Variants in NHSL2 observed in about 807,000 individuals in gnomAD.
NHSL2 encodes NHS like 2, also known as NHS-like protein 2.
Under a neutral mutation model 53.4 loss-of-function variants are expected in NHSL2, and 27 were observed. The ratio of observed to expected loss-of-function variants is 0.51; its 90% CI spans 0.37 to 0.70. NHSL2 has a LOEUF of 0.70. Ranked by LOEUF, NHSL2 falls within the 30% of genes least tolerant of loss-of-function variation. NHSL2 has a pLI of 0.00. For missense variants in NHSL2, 892 were observed against 980.1 expected (o/e 0.91, Z 1.20); for synonymous variants, 408 against 404.1 (o/e 1.01, Z -0.12).
At position 72,069,658 on chromosome X, in the gene NHSL2, C is replaced by T. The variant is rs1009042792; in HGVS notation, c.281-62421C>T. 1.1e-4 allele frequency: 107 copies of T among 934,837 alleles called. No homozygotes were observed. In the Admixed American group the frequency reaches 2.9e-3, roughly 26 times the overall value. The allele number at this position is 934,837 out of a possible 1,213,427, so 77.0% of individuals were successfully genotyped here. On this transcript the variant is annotated intron_variant, in intron 1 of 7. Coordinates refer to ENST00000633930, the MANE Select transcript of NHSL2 (RefSeq NM_001013627.3). ...AGGAGGAGGAGGAGGTGGCAGCGGCCGCCGCGGTGGCTGCCAGTCCAGAGC... is the reference window on the plus strand; with the variant it reads ...AGGAGGAGGAGGAGGTGGCAGCGGCTGCCGCGGTGGCTGCCAGTCCAGAGC...
At chrX:71,929,247 G>A (rs757147663) in intron 1 of NHSL2, among the ~76,000 whole-genome samples, 1 of 112,499 alleles carries the variant, frequency 8.9e-6, no homozygotes, top group African/African-American at 3.2e-5. Context: ...TTTTTAAATT[G>A]TGATATATAG....
intron 1 of NHSL2, among the ~76,000 whole-genome samples, chrX:72,066,024 T>G (rs2042427336): frequency 9.1e-6 from 1 of 110,232 alleles, no homozygotes; most frequent in Admixed American, 9.6e-5. Context: ...AGCAATGGAG[T>G]GATGTGGTTT....
At chrX:72,105,223 C>T (rs2042028145) in intron 1 of NHSL2, among the ~76,000 whole-genome samples, 3 of 109,893 alleles carry the variant, frequency 2.7e-5, no homozygotes, top group African/African-American at 6.7e-5. Flanking sequence ...GAGACTCAAC[C>T]GTGAGCCATG....
At chrX:72,130,126 G>A (rs770843646) in intron 1 of NHSL2, 17 of 1,208,308 alleles carry the variant, frequency 1.4e-5, no homozygotes, top group Non-Finnish European at 1.8e-5. Flanking sequence ...AACAAAGGTC[G>A]GCTCCATCTC....
chrX:71,999,340 A>G (rs1048517899), intron 1 of NHSL2, among the ~76,000 whole-genome samples: 6 of 112,567 alleles, frequency 5.3e-5, no homozygotes, highest in Non-Finnish European at 9.4e-5. Flanking sequence ...TGTGAAATTA[A>G]TGGGGAAAAA....
At position 72,090,650 on chromosome X, in the gene NHSL2, A is replaced by T. The variant is rs993557123; in HGVS notation, c.281-41429A>T. ...AAAAGACTATTTCATGAAAAAAGTCATTCTCCTGCCTACCCCTAACCCCCC... is the reference window on the plus strand; with the variant it reads ...AAAAGACTATTTCATGAAAAAAGTCTTTCTCCTGCCTACCCCTAACCCCCC... On this transcript the variant is annotated intron_variant, in intron 1 of 7. Coordinates refer to ENST00000633930, the MANE Select transcript of NHSL2 (RefSeq NM_001013627.3). Among the ~76,000 whole-genome samples, 8 of 111,247 alleles carry T rather than the reference A, an allele frequency of 7.2e-5. 1 individual carries two copies. The highest frequency in any genetic ancestry group is 1.1e-4 in the Non-Finnish European group (6 of 53,068).
chrX:71,968,102 T>A (rs1452467732), intron 1 of NHSL2, among the ~76,000 whole-genome samples: 1 of 109,273 alleles, frequency 9.2e-6, no homozygotes, highest in Non-Finnish European at 1.9e-5. Context: ...GCTCAAGCAA[T>A]GTTCCTGCCT....
rs1342040343 is a variant in NHSL2 at position 72,143,415 on chromosome X, TGAC to T, written c.3522_3524del (p.Asp1175del). 1 of 1,165,220 alleles carries T rather than the reference TGAC, an allele frequency of 8.6e-7. No homozygotes were observed. The highest frequency in any genetic ancestry group is 1.1e-6 in the Non-Finnish European group (1 of 872,527). ...GTGCCAACCTAGATGCTGGCAGAAATGACGATTTCAAGGCCTTGCTACAGAAGA... is the reference window on the plus strand; with the variant it reads ...GTGCCAACCTAGATGCTGGCAGAAATGATTTCAAGGCCTTGCTACAGAAGA... On this transcript the variant is annotated inframe_deletion, in exon 8 of 8. Coordinates refer to ENST00000633930, the MANE Select transcript of NHSL2 (RefSeq NM_001013627.3).
chrX:72,076,259 A>T (rs1317990120), intron 1 of NHSL2, among the ~76,000 whole-genome samples: 1 of 111,373 alleles, frequency 9.0e-6, no homozygotes, highest in Non-Finnish European at 1.9e-5. Flanking sequence ...ATATATGGTC[A>T]TGCATATTAT....
intron 1 of NHSL2, among the ~76,000 whole-genome samples, chrX:71,959,575 C>T (rs1304856524): frequency 9.1e-6 from 1 of 110,394 alleles, no homozygotes; most frequent in East Asian, 2.8e-4. Flanking sequence ...AGCTTCAAAC[C>T]CCCAAATCAA....
At position 71,911,120 on chromosome X, in the gene NHSL2, G is replaced by C; in HGVS notation, c.33G>C (p.Gln11His). The C allele has an allele frequency of 9.1e-7, 1 of 1,098,319 alleles. No individual in the cohort carries two copies. The highest frequency in any genetic ancestry group is 3.7e-5 in the East Asian group (1 of 26,716). The allele number at this position is 1,098,319 out of a possible 1,213,427, so 90.5% of individuals were successfully genotyped here. Residue 11 changes from glutamine to histidine, a missense_variant, in exon 1 of 8, where the codon CAG becomes CAC. By Grantham distance (24) the Gln-to-His change is conservative (BLOSUM62 0). Coordinates refer to ENST00000633930, the MANE Select transcript of NHSL2 (RefSeq NM_001013627.3). Reference sequence around the variant, plus strand: ...TCTACAGGCGCACGGTGGTACCCCAGCGCCTGTGCCCGCGCAACCCGCCGC... The same window carrying C: ...TCTACAGGCGCACGGTGGTACCCCACCGCCTGTGCCCGCGCAACCCGCCGC... MPFYRRTVVP[Q>H]RLCPRNPPQQ...
At position 72,011,484 on chromosome X, in the gene NHSL2, A is replaced by G. The variant is rs1199369092; in HGVS notation, c.280+100117A>G. Among the ~76,000 whole-genome samples, 8 of 112,038 alleles carry G rather than the reference A, an allele frequency of 7.1e-5. No homozygotes were observed. In the Admixed American group the frequency reaches 7.5e-4, roughly 11 times the overall value. ...CAGGAGATCAAGACCATCGTGGCCAACACGGTGAAACCCCATCTCTACTAA... is the reference window on the plus strand; with the variant it reads ...CAGGAGATCAAGACCATCGTGGCCAGCACGGTGAAACCCCATCTCTACTAA... On this transcript the variant is annotated intron_variant, in intron 1 of 7. Transcript: ENST00000633930.
At chrX:71,996,287 AC>A (rs1158893577) in intron 1 of NHSL2, among the ~76,000 whole-genome samples, 1 of 112,040 alleles carries the variant, frequency 8.9e-6, no homozygotes, top group Non-Finnish European at 1.9e-5. Flanking sequence ...TCTTATCTTC[AC>A]CCCACATCTA....
rs1289347427 is a variant in NHSL2 at position 72,143,368 on chromosome X, G to T, written c.3472G>T (p.Ala1158Ser). The change falls in exon 8 of 8, where the codon GCC (alanine) becomes TCC (serine). Residue 1158 changes from alanine to serine, a missense_variant. Physicochemically the swap from Ala to Ser is moderately conservative, Grantham distance 99. Transcript: ENST00000633930. ...TAESPISEST[A>S]TAGSGSSANL... ...TGAGTCTCCAATCAGTGAGTCTACC[G>T]CCACTGCAGGGTCAGGCAGCAGTGC... 1.7e-6 allele frequency: 2 copies of T among 1,166,577 alleles called. No homozygotes were observed. The highest frequency in any genetic ancestry group is 1.1e-6 in the Non-Finnish European group (1 of 872,161).
chrX:72,012,661 A>C (rs1171606623), intron 1 of NHSL2, among the ~76,000 whole-genome samples: 1 of 112,586 alleles, frequency 8.9e-6, no homozygotes, highest in Non-Finnish European at 1.9e-5. Context: ...TCTTCCAAAT[A>C]AGGTAACATC....
intron 1 of NHSL2, chrX:72,027,589 G>A (rs1022220817): frequency 1.8e-5 from 2 of 111,486 alleles, no homozygotes; most frequent in Non-Finnish European, 3.8e-5. Flanking sequence ...TGGCCAGGAG[G>A]TTCCAGAGCC....
At chrX:72,032,703 A>G (rs1038886097) in intron 1 of NHSL2, among the ~76,000 whole-genome samples, 35 of 110,981 alleles carry the variant, frequency 3.2e-4, no homozygotes, top group African/African-American at 7.5e-4. Flanking sequence ...TACTAAAAAT[A>G]CAAAAATTAT....
At chrX:71,955,380 G>A (rs758319352) in intron 1 of NHSL2, among the ~76,000 whole-genome samples, 8 of 110,011 alleles carry the variant, frequency 7.3e-5, no homozygotes, top group Non-Finnish European at 1.5e-4. Flanking sequence ...CAGCTCAATG[G>A]CACCTCCCCC....
At chrX:72,130,926 C>G (rs898998071) in intron 1 of NHSL2, 22 of 1,210,091 alleles carry the variant, frequency 1.8e-5, no homozygotes, top group Non-Finnish European at 2.3e-5. Context: ...CCTGGGTGAC[C>G]GAGATGGCCC....
Sources: gnomAD v4.1 joint callset for allele counts (sites outside exome capture counted in the v4.1 genomes callset) on GRCh38, gnomAD v4.1.1 for gene constraint, MANE v1.5 for transcripts, NCBI Gene and HGNC (gene_info 2026-07-23, HGNC 2026-07-21) for gene names.